Variants in ABHD2 observed in about 807,000 individuals in gnomAD.
ABHD2 encodes monoacylglycerol lipase ABHD2.
Under a neutral mutation model 48.1 loss-of-function variants are expected in ABHD2, and 20 were observed. That is an observed-to-expected ratio of 0.42 (90% CI 0.29 to 0.60). ABHD2 has a LOEUF of 0.60. Ranked by LOEUF, ABHD2 falls within the 20% of genes least tolerant of loss-of-function variation. The probability of loss-of-function intolerance (pLI) is 0.24; values close to 1 mark genes in which losing one functional copy is unlikely to be tolerated. For synonymous variants in ABHD2, 209 were observed against 214.2 expected (o/e 0.98, Z 0.21); for missense variants, 405 against 550.9 (o/e 0.74, Z 2.65).
intron 1 of ABHD2, among the ~76,000 whole-genome samples, chr15:89,103,133 A>G (rs926218215): frequency 1.8e-4 from 28 of 152,358 alleles, no homozygotes; most frequent in African/African-American, 6.5e-4. Flanking sequence ...ATCATTCGGT[A>G]TCCTCAATGC....
the ABHD2 span, among the ~76,000 whole-genome samples, chr15:89,057,786 A>G: frequency 6.6e-6 from 1 of 152,224 alleles, no homozygotes; most frequent in African/African-American, 2.4e-5. Flanking sequence ...AAAAAAAAGA[A>G]AGAAACAAAC....
intron 3 of ABHD2, among the ~76,000 whole-genome samples, chr15:89,139,791 A>C (rs16942750): frequency 0.2 from 29,900 of 152,036 alleles, 3,184 homozygotes; most frequent in Admixed American, 0.31. Context: ...AAGTAAGCAG[A>C]GTGGAGGGCC....
rs553259214 is a variant in ABHD2, at chr15:89,137,116, G to T, written c.195-14561G>T. On this transcript the variant is annotated intron_variant, in intron 3 of 10. Coordinates refer to ENST00000352732, the MANE Select transcript of ABHD2 (RefSeq NM_152924.5). This position sits in a 1 kb window ranked among gnomAD's most constrained non-coding sequence, Gnocchi z 4.8. Reference sequence around the variant, plus strand: ...CTGTTTGCAGGACCAGTTCTCTAACGGATCCAGGGTTCCAGTGGAACCCTG... The same window carrying T: ...CTGTTTGCAGGACCAGTTCTCTAACTGATCCAGGGTTCCAGTGGAACCCTG... Among the ~76,000 whole-genome samples the T allele has an allele frequency of 2.6e-5, 4 of 152,260 alleles. No homozygotes were observed. In the South Asian group the frequency reaches 8.3e-4, roughly 32 times the overall value.
intron 10 of ABHD2, among the ~76,000 whole-genome samples, chr15:89,194,109 A>T (rs1187915762): frequency 6.6e-6 from 1 of 152,104 alleles, no homozygotes; most frequent in Non-Finnish European, 1.5e-5. Flanking sequence ...AATAAATAGT[A>T]AAAAATAAAA....
At chr15:89,194,609 C>G (rs2051364670) in intron 10 of ABHD2, among the ~76,000 whole-genome samples, 1 of 152,116 alleles carries the variant, frequency 6.6e-6, no homozygotes, top group African/African-American at 2.4e-5. Flanking sequence ...TTGAATTCTC[C>G]TCGTTCTCTA....
intron 3 of ABHD2, among the ~76,000 whole-genome samples, chr15:89,129,695 C>A (rs1467728460): frequency 6.6e-6 from 1 of 152,082 alleles, no homozygotes; most frequent in Admixed American, 6.6e-5. Context: ...GCCAGCCCTG[C>A]CCCCTGCTGG....
rs761006943 is a variant in ABHD2, at chr15:89,151,841, A to C, written c.359A>C (p.His120Pro). 1.9e-6 allele frequency: 3 copies of C among 1,614,030 alleles called. No individual in the cohort carries two copies. The highest frequency in any genetic ancestry group is 2.5e-6 in the Non-Finnish European group (3 of 1,179,966). Residue 120 changes from histidine (H) to proline (P), a missense_variant, in exon 4 of 11, where the codon CAC becomes CCC. Physicochemically the swap from His to Pro is moderately conservative, Grantham distance 77 (BLOSUM62 -2). Transcript: ENST00000352732. The surrounding 1 kb of genome is among the most constrained non-coding windows in gnomAD (Gnocchi z 4.7). ...GACCTCTTCGAGCCCTTGGCTGAGC[A>C]CTGTGTTGGAGGTGAGCTGCTTTAG... ...TFDLFEPLAE[H>P]CVGDDITMVI...
chr15:89,049,182 C>A, the ABHD2 span, among the ~76,000 whole-genome samples: 1 of 152,280 alleles, frequency 6.6e-6, no homozygotes, highest in African/African-American at 2.4e-5. Context: ...CTGGGGGGTG[C>A]CTCCCAGTTA....
intron 4 of ABHD2, among the ~76,000 whole-genome samples, chr15:89,152,109 T>C (rs2050601946): frequency 1.3e-5 from 2 of 151,540 alleles, no homozygotes; most frequent in African/African-American, 4.9e-5. Flanking sequence ...GGAGTCTCGC[T>C]GTGTCGCCCA....
chr15:89,183,387 ATATATATAT>A (rs2051152870), intron 6 of ABHD2: 26 of 76,172 alleles, frequency 3.4e-4, no homozygotes, highest in Middle Eastern at 6.3e-3. Flanking sequence ...AAAAAAAAAT[ATATATATAT>A]ATATATATAT....
In ABHD2 at chr15:89,176,700, C is replaced by T. The variant is rs2051019863; in HGVS notation, c.722+705C>T. 6.6e-6 allele frequency among the ~76,000 whole-genome samples: 1 copy of T among 152,168 alleles called. No individual in the cohort carries two copies. Among genetic ancestry groups the T allele is most frequent in the South Asian group, 2.1e-4 (1 of 4,834 alleles). The stretch of plus-strand genomic sequence containing the variant: ...CACATGCACACACTCACACTATACA[C>T]ACACCTCTCCAGGCTCTTCAAATAC... On this transcript the variant is annotated intron_variant, in intron 6 of 10. Transcript: ENST00000352732. The surrounding 1 kb of genome is among the most constrained non-coding windows in gnomAD (Gnocchi z 4.5).
At position 89,088,767 on chromosome 15, in the gene ABHD2, G is replaced by A. The variant is rs1035127141; in HGVS notation, c.-107+204G>A. Among the ~76,000 whole-genome samples the A allele has an allele frequency of 1.3e-5, 2 of 152,222 alleles. No individual in the cohort carries two copies. Among genetic ancestry groups the A allele is most frequent in the South Asian group, 2.1e-4 (1 of 4,838 alleles). ...GTGGGGACAGCCCAGATCGCGGCGG[G>A]GGATACGCCTTCCTGAGGCCCTTTG... On this transcript the variant is annotated intron_variant, in intron 1 of 10. Coordinates refer to ENST00000352732, the MANE Select transcript of ABHD2 (RefSeq NM_152924.5). The surrounding 1 kb of genome is among the most constrained non-coding windows in gnomAD (Gnocchi z 6.8).
In ABHD2 at chr15:89,176,326, T is replaced by C. The variant is rs755874073; in HGVS notation, c.722+331T>C. On this transcript the variant is annotated intron_variant, in intron 6 of 10. Transcript: ENST00000352732. This position sits in a 1 kb window ranked among gnomAD's most constrained non-coding sequence, Gnocchi z 4.5. ...TCAGGAGTTTTTATAGAAACGTGGATTAATGAAAGAGCACAGGAGACTGGC... is the reference window on the plus strand; with the variant it reads ...TCAGGAGTTTTTATAGAAACGTGGACTAATGAAAGAGCACAGGAGACTGGC... Among the ~76,000 whole-genome samples, 2 of 152,072 alleles carry C rather than the reference T, an allele frequency of 1.3e-5. No homozygotes were observed. The highest frequency in any genetic ancestry group is 2.9e-5 in the Non-Finnish European group (2 of 68,022).
chr15:89,175,152 G>A lies in ABHD2; in HGVS notation c.539-660G>A, dbSNP rs1440788690. Among the ~76,000 whole-genome samples, 1 of 152,180 alleles carries A rather than the reference G, an allele frequency of 6.6e-6. No homozygotes were observed. Among genetic ancestry groups the A allele is most frequent in the Non-Finnish European group, 1.5e-5 (1 of 68,030 alleles). ...TAACACCATGAATCATCATACACATGGGTATAGCATCCCAATTTGTAGCCT... is the reference window on the plus strand; with the variant it reads ...TAACACCATGAATCATCATACACATAGGTATAGCATCCCAATTTGTAGCCT... On this transcript the variant is annotated intron_variant, in intron 5 of 10. Coordinates refer to ENST00000352732, the MANE Select transcript of ABHD2 (RefSeq NM_152924.5). This position sits in a 1 kb window ranked among gnomAD's most constrained non-coding sequence, Gnocchi z 5.7.
At position 89,198,157 on chromosome 15, in the gene ABHD2, A is replaced by T. The variant is rs1315750973; in HGVS notation, c.*2734A>T. On this transcript the variant is annotated 3_prime_UTR_variant, in exon 11 of 11. Transcript: ENST00000352732. The surrounding 1 kb of genome is among the most constrained non-coding windows in gnomAD (Gnocchi z 5.1). ...ATCCCCCTCTTGCTAGTAAGGTTCTATTTGGGCTAAAACAAGGCTGAATTT... is the reference window on the plus strand; with the variant it reads ...ATCCCCCTCTTGCTAGTAAGGTTCTTTTTGGGCTAAAACAAGGCTGAATTT... 6.6e-6 allele frequency: 1 copy of T among 152,146 alleles called. No individual in the cohort carries two copies. The highest frequency in any genetic ancestry group is 2.4e-5 in the African/African-American group (1 of 41,424). 9.4% of individuals were successfully genotyped at this position (152,146 alleles called of 1,614,324 possible). A position where few individuals can be genotyped will look rare whatever the true frequency, so the allele number is the denominator to read the frequency against.
chr15:89,077,928 CA>C, the ABHD2 span, among the ~76,000 whole-genome samples: 1 of 152,180 alleles, frequency 6.6e-6, no homozygotes, highest in Non-Finnish European at 1.5e-5. Flanking sequence ...CCCTTGTCTA[CA>C]AAACTCAGCC....
the ABHD2 span, among the ~76,000 whole-genome samples, chr15:89,078,421 G>A: frequency 2.0e-5 from 3 of 152,186 alleles, no homozygotes; most frequent in African/African-American, 7.2e-5. Context: ...TGGAAACTGA[G>A]TCACACAAAA....
chr15:89,093,451 G>A (rs919643506), intron 1 of ABHD2, among the ~76,000 whole-genome samples: 2 of 152,158 alleles, frequency 1.3e-5, no homozygotes, highest in Admixed American at 6.5e-5. Flanking sequence ...GATTACAGAC[G>A]TGAGCCACCG....
the ABHD2 span, among the ~76,000 whole-genome samples, chr15:89,054,195 G>A: frequency 1.3e-5 from 2 of 151,930 alleles, no homozygotes; most frequent in Admixed American, 1.3e-4. Context: ...GGTGACACAC[G>A]CCTGTAGTCC....
Sources: allele counts gnomAD v4.1 joint callset (sites outside exome capture counted in the v4.1 genomes callset), GRCh38; gene constraint gnomAD v4.1.1; non-coding constraint Gnocchi (gnomAD v3.1); transcripts MANE v1.5; gene names NCBI Gene and HGNC (gene_info 2026-07-23, HGNC 2026-07-21).